SV2C: variants seen among roughly 807,000 people sequenced by gnomAD.
The protein encoded by SV2C is synaptic vesicle glycoprotein 2C, also known as solute carrier family 22 member B3.
SV2C carries 49 observed loss-of-function variants against 79.7 expected under a neutral mutation model. That is an observed-to-expected ratio of 0.61 (90% CI 0.49 to 0.78). The LOEUF is 0.78. Among genes scored for constraint, SV2C ranks in the 30% least tolerant of loss-of-function variants. The probability of loss-of-function intolerance (pLI) is 0.00; values close to 1 mark genes in which losing one functional copy is unlikely to be tolerated. For missense variants in SV2C, 833 were observed against 912.9 expected, an observed-to-expected ratio of 0.91 and a Z score of 1.13; for synonymous variants, 334 against 333.2, an observed-to-expected ratio of 1.00 and a Z score of -0.03.
At chr5:76,011,548 A>G in the SV2C span, among the ~76,000 whole-genome samples, 3 of 152,024 alleles carry the variant, frequency 2.0e-5, no homozygotes, top group Non-Finnish European at 4.4e-5. Context: ...ATGTTCCTTT[A>G]TTATTCTGAA....
intron 2 of SV2C, among the ~76,000 whole-genome samples, chr5:76,182,502 T>C (rs1743766093): frequency 6.6e-6 from 1 of 152,206 alleles, no homozygotes; most frequent in African/African-American, 2.4e-5. Flanking sequence ...CTACAGTTAT[T>C]TGCTCAGGGA....
intron 4 of SV2C, among the ~76,000 whole-genome samples, chr5:76,238,020 TCACA>T (rs1185787359): frequency 1.2e-5 from 1 of 85,202 alleles, no homozygotes; most frequent in African/African-American, 3.8e-5. Flanking sequence ...ATACACACAA[TCACA>T]CATACACACA....
At chr5:76,181,655 C>A (rs573901950) in intron 2 of SV2C, among the ~76,000 whole-genome samples, 3 of 151,910 alleles carry the variant, frequency 2.0e-5, no homozygotes, top group Non-Finnish European at 2.9e-5. Flanking sequence ...CGTGAGAACT[C>A]TGTGAGGAGA....
At chr5:75,901,163 G>A in the SV2C span, among the ~76,000 whole-genome samples, 1 of 152,168 alleles carries the variant, frequency 6.6e-6, no homozygotes, top group Admixed American at 6.5e-5. Context: ...GAGTCGCTCT[G>A]CTTTTTAGAG....
the SV2C span, among the ~76,000 whole-genome samples, chr5:75,955,786 C>G: frequency 1.3e-5 from 2 of 150,108 alleles, no homozygotes; most frequent in Admixed American, 6.6e-5. Context: ...CCAAAAAACA[C>G]GTGAAAAAAT....
the SV2C span, among the ~76,000 whole-genome samples, chr5:76,063,946 C>T: frequency 6.6e-6 from 1 of 151,784 alleles, no homozygotes; most frequent in African/African-American, 2.4e-5. Flanking sequence ...GCAGATGTAC[C>T]CTGGATGCCT....
chr5:76,351,402 C>T (rs541660773), intron 12 of SV2C, among the ~76,000 whole-genome samples: 11 of 151,888 alleles, frequency 7.2e-5, no homozygotes, highest in African/African-American at 2.7e-4. Flanking sequence ...GAGCCATGAT[C>T]GCACCACTGC....
the SV2C span, among the ~76,000 whole-genome samples, chr5:75,936,984 AAAATTGCAGTT>A: frequency 1.3e-5 from 2 of 152,226 alleles, no homozygotes; most frequent in African/African-American, 4.8e-5. Context: ...AATCAATGGG[AAAATTGCAGTT>A]GTCTCGTGAT....
the SV2C span, among the ~76,000 whole-genome samples, chr5:76,063,392 T>A: frequency 7.2e-5 from 11 of 152,106 alleles, no homozygotes; most frequent in Non-Finnish European, 1.3e-4. Flanking sequence ...AAAAAAAGAA[T>A]GTGGCAAAAC....
chr5:76,014,206 GAA>G, the SV2C span, among the ~76,000 whole-genome samples: 1 of 142,908 alleles, frequency 7.0e-6, no homozygotes, highest in Non-Finnish European at 1.5e-5. Flanking sequence ...GAGAAAGAAA[GAA>G]AGGAAAAGAA....
At chr5:76,342,497 T>C (rs1411545658) in intron 12 of SV2C, among the ~76,000 whole-genome samples, 1 of 152,194 alleles carries the variant, frequency 6.6e-6, no homozygotes, top group Non-Finnish European at 1.5e-5. Context: ...AAGTGATCTC[T>C]ATACACACAG....
At chr5:75,912,201 A>G in the SV2C span, among the ~76,000 whole-genome samples, 1 of 152,250 alleles carries the variant, frequency 6.6e-6, no homozygotes, top group South Asian at 2.1e-4. Context: ...ACACTTGTCT[A>G]TACAGAAACA....
chr5:76,177,230 CTG>C (rs1561251038), intron 2 of SV2C, among the ~76,000 whole-genome samples: 1 of 143,152 alleles, frequency 7.0e-6, no homozygotes, highest in African/African-American at 2.6e-5. Context: ...ATATATTAAT[CTG>C]TATATATGAT....
the SV2C span, among the ~76,000 whole-genome samples, chr5:75,933,252 T>C: frequency 1.3e-5 from 2 of 152,222 alleles, no homozygotes; most frequent in African/African-American, 4.8e-5. Context: ...TATAGCATCC[T>C]ATTTTTTTCT....
chr5:75,853,555 CAAAAA>C, the SV2C span, among the ~76,000 whole-genome samples: 1 of 28,980 alleles, frequency 3.5e-5, no homozygotes, highest in Admixed American at 4.6e-4. Flanking sequence ...GACTCCTTCT[CAAAAA>C]AAAAAAAAAA....
the SV2C span, among the ~76,000 whole-genome samples, chr5:75,984,492 C>A: frequency 2.6e-5 from 4 of 151,972 alleles, no homozygotes; most frequent in African/African-American, 9.7e-5. Flanking sequence ...GTAATTTACC[C>A]ACTGTATCAG....
At chr5:76,014,156 AGAAG>A in the SV2C span, among the ~76,000 whole-genome samples, 49 of 111,528 alleles carry the variant, frequency 4.4e-4, no homozygotes, top group South Asian at 8.4e-3. Flanking sequence ...AAGGAAGGAA[AGAAG>A]GAAGGAAGGA....
At chr5:76,317,039 G>T (rs1561314227) in intron 12 of SV2C, among the ~76,000 whole-genome samples, 4 of 151,238 alleles carry the variant, frequency 2.6e-5, no homozygotes. Flanking sequence ...ATATGAATAT[G>T]AAAAAAACGC....
the SV2C span, among the ~76,000 whole-genome samples, chr5:76,019,456 G>A: frequency 6.6e-6 from 1 of 152,186 alleles, no homozygotes; most frequent in Non-Finnish European, 1.5e-5. Flanking sequence ...GTTGTACTGA[G>A]TATATTTTAG....
Sources: allele counts gnomAD v4.1 joint callset (sites outside exome capture counted in the v4.1 genomes callset), GRCh38; gene constraint gnomAD v4.1.1; transcripts MANE v1.5; gene names NCBI Gene and HGNC (gene_info 2026-07-23, HGNC 2026-07-21).